The following UMAD1 variants were observed in gnomAD, a reference collection of about 807,000 sequenced individuals.
The protein encoded by UMAD1 is UBAP1-MVB12-associated (UMA) domain containing 1.
UMAD1 carries 8 observed loss-of-function variants against 6.1 expected under a neutral mutation model. The observed-to-expected ratio is 1.30, with a 90% confidence interval of 0.76 to 2.35. The LOEUF (loss-of-function observed/expected upper bound fraction) is 2.35, where lower values mean the gene tolerates loss of function less well. Among genes scored for constraint, UMAD1 ranks in the 30% most tolerant of loss-of-function variants. The pLI, the probability that UMAD1 is intolerant of heterozygous loss-of-function variation, is 0.00. For synonymous variants in UMAD1, 56 were observed against 31.4 expected, an observed-to-expected ratio of 1.78 and a Z score of -2.61; for missense variants, 130 against 78.4, an observed-to-expected ratio of 1.66 and a Z score of -2.49.
intron 2 of UMAD1, among the ~76,000 whole-genome samples, chr7:7,698,367 C>T (rs1780367433): frequency 6.6e-6 from 1 of 152,170 alleles, no homozygotes; most frequent in Non-Finnish European, 1.5e-5. Flanking sequence ...TGCTGCATCT[C>T]TGCCATCAAT....
intron 2 of UMAD1, among the ~76,000 whole-genome samples, chr7:7,703,359 A>AT (rs1780516186): frequency 1.3e-5 from 2 of 152,080 alleles, no homozygotes; most frequent in African/African-American, 2.4e-5. Flanking sequence ...TGAAGAAGAG[A>AT]TTTTCCATCT....
intron 2 of UMAD1, among the ~76,000 whole-genome samples, chr7:7,758,353 G>A (rs1323161044): frequency 6.6e-6 from 1 of 151,574 alleles, no homozygotes; most frequent in Non-Finnish European, 1.5e-5. Context: ...CTCTGTTTAT[G>A]CTGAATTTTT....
At chr7:7,696,448 G>T (rs1563131417) in intron 2 of UMAD1, among the ~76,000 whole-genome samples, 1 of 152,088 alleles carries the variant, frequency 6.6e-6, no homozygotes, top group Admixed American at 6.6e-5. Context: ...CCTGAGCTTA[G>T]CCACTGGAAC....
chr7:7,808,580 T>A (rs1430315905), intron 3 of UMAD1, among the ~76,000 whole-genome samples: 3 of 152,048 alleles, frequency 2.0e-5, no homozygotes, highest in Non-Finnish European at 2.9e-5. Context: ...TGAATTTTAA[T>A]CTAGTTTTAG....
intron 3 of UMAD1, among the ~76,000 whole-genome samples, chr7:7,822,188 G>A (rs149619473): frequency 6.6e-6 from 1 of 152,100 alleles, no homozygotes; most frequent in Non-Finnish European, 1.5e-5. Context: ...TGTATGTATT[G>A]TTTGACAAAA....
chr7:7,656,793 A>G (rs1164263870), intron 1 of UMAD1, among the ~76,000 whole-genome samples: 2 of 152,104 alleles, frequency 1.3e-5, no homozygotes, highest in Non-Finnish European at 2.9e-5. Context: ...ATGTGTCTTT[A>G]TGGTAGAATG....
intron 2 of UMAD1, among the ~76,000 whole-genome samples, chr7:7,729,749 C>T (rs1781211363): frequency 6.6e-6 from 1 of 152,184 alleles, no homozygotes; most frequent in African/African-American, 2.4e-5. Context: ...CAGCCATTCT[C>T]TTTTCTACCC....
chr7:7,815,106 TAGAG>T (rs370492314), intron 3 of UMAD1, among the ~76,000 whole-genome samples: 157 of 152,254 alleles, frequency 1.0e-3, no homozygotes, highest in African/African-American at 3.6e-3. Context: ...CTTTCTAACT[TAGAG>T]AGAAAGATTG....
intron 2 of UMAD1, among the ~76,000 whole-genome samples, chr7:7,786,576 C>G (rs957265365): frequency 2.0e-5 from 3 of 152,100 alleles, no homozygotes; most frequent in Non-Finnish European, 4.4e-5. Context: ...TCCCACCCCC[C>G]GTAAGCCTTG....
chr7:7,834,793 G>A (rs1315977790), intron 3 of UMAD1, among the ~76,000 whole-genome samples: 3 of 152,190 alleles, frequency 2.0e-5, no homozygotes, highest in Admixed American at 6.5e-5. Context: ...GGGTGGGGGT[G>A]TGTAGGGTAG....
chr7:7,762,563 C>T (rs574949899), intron 2 of UMAD1, among the ~76,000 whole-genome samples: 14 of 152,102 alleles, frequency 9.2e-5, no homozygotes, highest in African/African-American at 2.9e-4. Flanking sequence ...TGGGATGCCT[C>T]ATGGAAATTA....
intron 3 of UMAD1, among the ~76,000 whole-genome samples, chr7:7,813,357 A>T (rs943773352): frequency 1.3e-5 from 2 of 152,164 alleles, no homozygotes; most frequent in South Asian, 2.1e-4. Context: ...GGCATGCGAC[A>T]CCACGCCTGG....
chr7:7,777,852 A>G (rs1344301276), intron 2 of UMAD1, among the ~76,000 whole-genome samples: 1 of 152,086 alleles, frequency 6.6e-6, no homozygotes, highest in East Asian at 1.9e-4. Context: ...ACACAGGGCT[A>G]TTTCTGGAAA....
chr7:7,751,202 A>T (rs563030119), intron 2 of UMAD1, among the ~76,000 whole-genome samples: 1 of 152,224 alleles, frequency 6.6e-6, no homozygotes, highest in African/African-American at 2.4e-5. Flanking sequence ...GTCGTTGACT[A>T]TATCTCTCCC....
At chr7:7,797,116 A>T (rs551707117) in intron 2 of UMAD1, among the ~76,000 whole-genome samples, 19 of 152,212 alleles carry the variant, frequency 1.2e-4, no homozygotes, top group Non-Finnish European at 2.2e-4. Context: ...TCAGGGCCCC[A>T]GGAAGCTTAC....
chr7:7,734,828 A>G (rs544757283), intron 2 of UMAD1, among the ~76,000 whole-genome samples: 4 of 152,112 alleles, frequency 2.6e-5, no homozygotes, highest in South Asian at 2.1e-4. Context: ...TATTTTTTTC[A>G]TACATAAAAC....
chr7:7,815,810 A>G (rs919178945), intron 3 of UMAD1, among the ~76,000 whole-genome samples: 3 of 152,154 alleles, frequency 2.0e-5, no homozygotes, highest in East Asian at 1.9e-4. Flanking sequence ...TCAGGATTCT[A>G]TTAAAGATGA....
At chr7:7,753,086 C>T (rs1006897605) in intron 2 of UMAD1, among the ~76,000 whole-genome samples, 1 of 152,110 alleles carries the variant, frequency 6.6e-6, no homozygotes, top group Non-Finnish European at 1.5e-5. Context: ...AAATACTTGA[C>T]CTTCTTTATG....
intron 2 of UMAD1, among the ~76,000 whole-genome samples, chr7:7,690,568 C>A (rs1337838832): frequency 6.6e-6 from 1 of 151,994 alleles, no homozygotes; most frequent in Non-Finnish European, 1.5e-5. Flanking sequence ...GGGGGTGATG[C>A]CGCACCTAAG....
Sources: allele counts gnomAD v4.1 joint callset (sites outside exome capture counted in the v4.1 genomes callset), GRCh38; gene constraint gnomAD v4.1.1; transcripts MANE v1.5; gene names NCBI Gene and HGNC (gene_info 2026-07-23, HGNC 2026-07-21).